Variants in CD200 observed in about 807,000 individuals in gnomAD.
CD200 encodes the protein CD200 molecule.
CD200 carries 15 observed loss-of-function variants against 30.9 expected under a neutral mutation model. The observed-to-expected ratio is 0.49, with a 90% CI of 0.32 to 0.75. The LOEUF (loss-of-function observed/expected upper bound fraction) is 0.75, where lower values mean the gene tolerates loss of function less well. CD200 is among the 30% of genes least tolerant of loss of function. The pLI is 0.03. For missense variants in CD200, 262 were observed against 324.2 expected (o/e 0.81, Z 1.47); for synonymous variants, 134 against 126.2 (o/e 1.06, Z -0.41).
At chr3:112,346,217 T>A (rs191719967) in intron 3 of CD200, among the ~76,000 whole-genome samples, 16 of 152,298 alleles carry the variant, frequency 1.1e-4, no homozygotes, top group Admixed American at 1.0e-3. Context: ...TCATTCTCTC[T>A]TTTTCTGTTT....
chr3:112,334,671 G>T (rs1464492926), intron 1 of CD200, among the ~76,000 whole-genome samples: 2 of 151,524 alleles, frequency 1.3e-5, no homozygotes, highest in African/African-American at 4.9e-5. Flanking sequence ...TTTTAGCCCC[G>T]GTCACCTCCC....
At chr3:112,342,314 TTTCTTTCTTTCTTTCTTTCTTTC>T (rs2081261761) in intron 2 of CD200, among the ~76,000 whole-genome samples, 2 of 20,570 alleles carry the variant, frequency 9.7e-5, no homozygotes, top group African/African-American at 5.2e-4. Context: ...TCCTTTCTTC[TTTCTTTCTTTCTTTCTTTCTTTC>T]CTTCTTTCTT....
chr3:112,346,767 G>A (rs1220194034), intron 3 of CD200, among the ~76,000 whole-genome samples: 2 of 152,136 alleles, frequency 1.3e-5, no homozygotes, highest in Non-Finnish European at 2.9e-5. Context: ...AGAAAGACAA[G>A]TTTACATCTG....
intron 5 of CD200, among the ~76,000 whole-genome samples, chr3:112,352,888 G>A (rs1381517502): frequency 6.6e-6 from 1 of 152,156 alleles, no homozygotes; most frequent in East Asian, 1.9e-4. Context: ...CATGACGTTG[G>A]TTTTTTCCAA....
intron 1 of CD200, among the ~76,000 whole-genome samples, chr3:112,338,082 G>A (rs1468765405): frequency 2.0e-5 from 3 of 152,118 alleles, no homozygotes; most frequent in South Asian, 2.1e-4. Flanking sequence ...CAACAGATAC[G>A]GTGGACCAAC....
At chr3:112,361,202 A>T (rs902267209) in intron 5 of CD200, among the ~76,000 whole-genome samples, 4 of 148,446 alleles carry the variant, frequency 2.7e-5, no homozygotes, top group African/African-American at 9.8e-5. Context: ...ATGTCCAGCT[A>T]TTTTTTTTTT....
chr3:112,346,032 T>C (rs59863561), intron 3 of CD200, among the ~76,000 whole-genome samples: 20,231 of 152,178 alleles, frequency 0.13, 1,765 homozygotes, highest in South Asian at 0.27. Flanking sequence ...ATTAGGAATA[T>C]TAAGGTGAGA....
chr3:112,333,372 G>T, intron 1 of CD200, 148 bp downstream of exon 1: 1 of 1,413,274 alleles, frequency 7.1e-7, no homozygotes, highest in South Asian at 1.5e-5. Context: ...TGATGGCAGC[G>T]CTTTTCTCTA....
chr3:112,342,406 T>C (rs1348682802), intron 2 of CD200, among the ~76,000 whole-genome samples: 14 of 70,980 alleles, frequency 2.0e-4, no homozygotes, highest in Admixed American at 4.9e-4. Context: ...TCTTTCTTTC[T>C]TTCTTTCTTT....
At chr3:112,344,073 C>T (rs72952411) in intron 2 of CD200, among the ~76,000 whole-genome samples, 32,177 of 152,054 alleles carry the variant, frequency 0.21, 3,683 homozygotes, top group East Asian at 0.49. Context: ...TCCTCATTTT[C>T]TATATCTCTA....
At chr3:112,352,362 T>C (rs1272644584) in intron 5 of CD200, among the ~76,000 whole-genome samples, 1 of 152,156 alleles carries the variant, frequency 6.6e-6, no homozygotes. Flanking sequence ...ACATTTGCCT[T>C]CCAGTTGTTT....
Position 112,362,699 on chromosome 3 carries a change from G to A in CD200, c.*1149G>A, listed in dbSNP as rs942208156. 9.9e-5 allele frequency: 10 copies of A among 100,650 alleles called. No homozygotes were observed. The highest frequency in any genetic ancestry group is 3.2e-4 in the African/African-American group (9 of 27,746). The allele number at this position is 100,650 out of a possible 1,614,324, so 6.2% of individuals were successfully genotyped here. ...AATTAAAGTGTAAGTTGTTTTCGCT[G>A]TTAAATTGGATATTTATATATATAT... On this transcript the variant is annotated 3_prime_UTR_variant, in exon 6 of 6. Transcript: ENST00000315711.
Position 112,334,242 on chromosome 3 carries a change from A to C in CD200, c.12+1018A>C. On this transcript the variant is annotated intron_variant, in intron 1 of 5. Coordinates refer to ENST00000315711, the MANE Select transcript of CD200 (RefSeq NM_005944.7). ...TGGGGTAATGTGGATTTGGACATAG[A>C]AACTTGCTGAGGAAGAGGCATGAAT... 3.0e-6 allele frequency: 3 copies of C among 985,460 alleles called. No homozygotes were observed. The South Asian group carries it at 1.4e-4, about 46-fold the overall frequency. The allele number at this position is 985,460 out of a possible 1,614,324, so 61.0% of individuals were successfully genotyped here.
Position 112,361,972 on chromosome 3 carries a change from G to GA in CD200, c.*431dup, listed in dbSNP as rs878934905. On this transcript the variant is annotated 3_prime_UTR_variant, in exon 6 of 6. Coordinates refer to ENST00000315711, the MANE Select transcript of CD200 (RefSeq NM_005944.7). ...AAACTTAATTTAAAATGTAATTCCA[G>GA]AAAAAAAAAGGGAATAAGCAAAGGG... 1.4e-3 allele frequency: 226 copies of GA among 160,228 alleles called. No homozygotes were observed. The highest frequency in any genetic ancestry group is 5.7e-3 in the Middle Eastern group (2 of 352). The allele number at this position is 160,228 out of a possible 1,614,324, so 9.9% of individuals were successfully genotyped here. A position where few individuals can be genotyped will look rare whatever the true frequency, so the allele number is the denominator to read the frequency against.
chr3:112,361,375 C>T (rs191377465), intron 5 of CD200, among the ~76,000 whole-genome samples, 168 bp from the exon 6 acceptor site: 1 of 152,074 alleles, frequency 6.6e-6, no homozygotes, highest in Non-Finnish European at 1.5e-5. Context: ...AGTCATAGTC[C>T]CCTCACACCA....
intron 4 of CD200, among the ~76,000 whole-genome samples, chr3:112,348,742 C>T (rs966319075): frequency 6.6e-6 from 1 of 152,072 alleles, no homozygotes. Flanking sequence ...CCAGACTAAT[C>T]AGAAATTGGA....
chr3:112,343,775 T>A (rs1186612037), intron 2 of CD200, among the ~76,000 whole-genome samples: 5 of 152,340 alleles, frequency 3.3e-5, no homozygotes, highest in Admixed American at 1.3e-4. Context: ...ATGATTACTA[T>A]AATAGATCTG....
At chr3:112,344,123 C>T (rs1170337694) in intron 2 of CD200, among the ~76,000 whole-genome samples, 1 of 152,174 alleles carries the variant, frequency 6.6e-6, no homozygotes, top group Admixed American at 6.5e-5. Context: ...GCTTTTATTA[C>T]ACTTATATCA....
intron 1 of CD200, chr3:112,334,270 G>A (rs2108414970): frequency 2.0e-6 from 2 of 985,208 alleles, no homozygotes; most frequent in Non-Finnish European, 2.4e-6. Context: ...GCATGAATAG[G>A]GGCAATATAG....
Sources: gnomAD v4.1 joint callset for allele counts (sites outside exome capture counted in the v4.1 genomes callset) on GRCh38, gnomAD v4.1.1 for gene constraint, MANE v1.5 for transcripts, NCBI Gene and HGNC (gene_info 2026-07-23, HGNC 2026-07-21) for gene names.